NAA11: variants seen among roughly 807,000 people sequenced by gnomAD.
The protein encoded by NAA11 is N-alpha-acetyltransferase 11.
Under a neutral mutation model 16.1 loss-of-function variants are expected in NAA11, and 15 were observed. The ratio of observed to expected loss-of-function variants is 0.93; its 90% confidence interval spans 0.62 to 1.44. The LOEUF (loss-of-function observed/expected upper bound fraction) is 1.44. Among genes scored for constraint, NAA11 ranks in the 40% most tolerant of loss-of-function variants. The probability of loss-of-function intolerance (pLI) is 0.00; values close to 1 mark genes in which losing one functional copy is unlikely to be tolerated. For synonymous variants in NAA11, 122 were observed against 112.4 expected (o/e 1.09, Z -0.54); for missense variants, 298 against 291.3 (o/e 1.02, Z -0.17).
chr4:79,159,228 A>G, the NAA11 span, among the ~76,000 whole-genome samples: 7 of 152,208 alleles, frequency 4.6e-5, no homozygotes, highest in Non-Finnish European at 7.3e-5. Flanking sequence ...AAGGAACTCA[A>G]ATTAGCAAGG....
At chr4:79,287,860 A>G (rs1722981447) in intron 2 of NAA11, among the ~76,000 whole-genome samples, 1 of 152,176 alleles carries the variant, frequency 6.6e-6, no homozygotes, top group Non-Finnish European at 1.5e-5. Context: ...GCAGATTATA[A>G]TTTGGTAAAT....
At chr4:79,323,605 G>A (rs967783319) in intron 1 of NAA11, among the ~76,000 whole-genome samples, 2 of 152,278 alleles carry the variant, frequency 1.3e-5, no homozygotes, top group African/African-American at 4.8e-5. Flanking sequence ...CGCATCACGA[G>A]GTCAGGAGAT....
At chr4:79,303,808 A>T (rs1723481563) in intron 1 of NAA11, among the ~76,000 whole-genome samples, 1 of 152,238 alleles carries the variant, frequency 6.6e-6, no homozygotes, top group Non-Finnish European at 1.5e-5. Flanking sequence ...AAGTAAGAGT[A>T]TGAAAACACA....
chr4:79,315,021 C>A (rs1578194859), downstream of NAA11, among the ~76,000 whole-genome samples: 2 of 152,042 alleles, frequency 1.3e-5, no homozygotes, highest in East Asian at 3.9e-4. Flanking sequence ...TATTTAGGGT[C>A]TAATCTATTA....
At chr4:79,196,955 C>CAAAAAAAAAAAAAAAAAAAAAAAAA in the NAA11 span, among the ~76,000 whole-genome samples, 73 of 86,190 alleles carry the variant, frequency 8.5e-4, no homozygotes, top group South Asian at 1.7e-3. Flanking sequence ...ATGAAAAAGA[C>CAAAAAAAAAAAAAAAAAAAAAAAAA]AAAAAAAAAA....
rs59261096 is a variant in NAA11 at position 79,303,076 on chromosome 4, TTATATATATATATATATATATA to T, written c.*13-8984_*13-8963del. On this transcript the variant is annotated intron_variant and NMD_transcript_variant, in intron 1 of 2. Coordinates refer to the NAA11 transcript ENST00000511542. The stretch of plus-strand genomic sequence containing the variant: ...TTCATTCCTGTTCTCTTGAGGCCTT[TTATATATATATATATATATATA>T]TATATATATATATATATATATATAC... Among the ~76,000 whole-genome samples, 42 of 67,528 alleles carry T rather than the reference TTATATATATATATATATATATA, an allele frequency of 6.2e-4. 1 individual carries two copies. Among genetic ancestry groups the T allele is most frequent in the East Asian group, 1.3e-3 (4 of 2,972 alleles). 44.3% of individuals were successfully genotyped at this position (67,528 alleles called of 152,430 possible). A position where few individuals can be genotyped will look rare whatever the true frequency, so the allele number is the denominator to read the frequency against.
At chr4:79,307,305 G>A (rs928513300) in intron 1 of NAA11, 1 of 152,170 alleles carries the variant, frequency 6.6e-6, no homozygotes. Flanking sequence ...ACAGTCTTGA[G>A]AACAGATGAT....
At chr4:79,194,240 T>C in the NAA11 span, among the ~76,000 whole-genome samples, 8 of 152,176 alleles carry the variant, frequency 5.3e-5, no homozygotes, top group African/African-American at 1.9e-4. Flanking sequence ...TAGTATTGAA[T>C]CTATAAATTG....
the NAA11 span, among the ~76,000 whole-genome samples, chr4:79,212,288 C>A: frequency 6.6e-6 from 1 of 152,050 alleles, no homozygotes; most frequent in Non-Finnish European, 1.5e-5. Flanking sequence ...AGGACTATTT[C>A]CCCTGTTATT....
At chr4:79,209,430 C>T in the NAA11 span, among the ~76,000 whole-genome samples, 2 of 152,052 alleles carry the variant, frequency 1.3e-5, no homozygotes, top group African/African-American at 2.4e-5. Flanking sequence ...TAATCACCTG[C>T]GTTTTCAGGC....
chr4:79,284,439 T>C lies in NAA11; in HGVS notation c.*122+9566A>G, dbSNP rs142159734. On this transcript the variant is annotated intron_variant and NMD_transcript_variant, in intron 2 of 2. Transcript: ENST00000511542. ...GGTAGAGCATAAATTTTGATATCCATGTCTATCAATCAAGTTTGATTCAAG... is the reference window on the plus strand; with the variant it reads ...GGTAGAGCATAAATTTTGATATCCACGTCTATCAATCAAGTTTGATTCAAG... Among the ~76,000 whole-genome samples, 12 of 152,228 alleles carry C rather than the reference T, an allele frequency of 7.9e-5. 1 individual carries two copies. The East Asian group carries it at 1.7e-3, about 22-fold the overall frequency.
At chr4:79,192,169 T>C in the NAA11 span, among the ~76,000 whole-genome samples, 2 of 152,168 alleles carry the variant, frequency 1.3e-5, no homozygotes, top group Non-Finnish European at 2.9e-5. Flanking sequence ...ATTCAGGCTC[T>C]TTTTTGGTTC....
the NAA11 span, among the ~76,000 whole-genome samples, chr4:79,218,960 T>C: frequency 6.6e-6 from 1 of 152,084 alleles, no homozygotes; most frequent in Non-Finnish European, 1.5e-5. Context: ...ACCTTTTTTG[T>C]TGAAAAATAT....
chr4:79,237,874 G>A (rs7695330), intron 2 of NAA11, among the ~76,000 whole-genome samples: 108,212 of 152,112 alleles, frequency 0.71, 40,661 homozygotes, highest in East Asian at 0.89. Flanking sequence ...CCCTGTTTCC[G>A]TAGATCTGCA....
In NAA11 at chr4:79,325,422, C is replaced by G; in HGVS notation, c.456G>C (p.Ser152=). ...EDAYAMKRDL[S]QMADELRRQM... ...GTCGTCTCAGCTCATCTGCCATCTG[C>G]GAGAGATCCCGCTTCATAGCATAAG... The change falls in exon 1 of 2, where the codon TCG becomes TCC. Residue 152 remains serine (S), a synonymous_variant. Coordinates refer to ENST00000286794, the MANE Select transcript of NAA11 (RefSeq NM_032693.3). The G allele has an allele frequency of 6.2e-7, 1 of 1,614,178 alleles. No individual in the cohort carries two copies. The highest frequency in any genetic ancestry group is 8.5e-7 in the Non-Finnish European group (1 of 1,180,032).
intron 2 of NAA11, chr4:79,244,617 T>TCCCCCC (rs1721762706): frequency 2.4e-5 from 1 of 41,648 alleles, no homozygotes; most frequent in Non-Finnish European, 6.6e-5. Flanking sequence ...TCACTCTCCC[T>TCCCCCC]CTCCCCCTCC....
At chr4:79,249,327 T>C (rs113420965) in intron 2 of NAA11, among the ~76,000 whole-genome samples, 2,853 of 152,322 alleles carry the variant, frequency 0.019, 90 homozygotes, top group African/African-American at 0.064. Context: ...ATTATTGACA[T>C]TCATGAGAAA....
At chr4:79,314,091 A>G (rs1311326671), downstream of NAA11, among the ~76,000 whole-genome samples, 1 of 152,228 alleles carries the variant, frequency 6.6e-6, no homozygotes, top group Non-Finnish European at 1.5e-5. Flanking sequence ...GCCCTAAAAA[A>G]TAACATACAT....
chr4:79,277,472 A>G lies in NAA11; in HGVS notation c.*122+16533T>C, dbSNP rs140329266. Among the ~76,000 whole-genome samples the G allele has an allele frequency of 3.0e-4, 45 of 152,272 alleles. 1 individual carries two copies. In the East Asian group the frequency reaches 8.7e-3, roughly 29 times the overall value. Reference sequence around the variant, plus strand: ...TGAAAAGAAAGCTGTAAGGAAATACAAGAGGAGGGGTTGTTAGATATGAAT... The same window carrying G: ...TGAAAAGAAAGCTGTAAGGAAATACGAGAGGAGGGGTTGTTAGATATGAAT... On this transcript the variant is annotated intron_variant and NMD_transcript_variant, in intron 2 of 2. Coordinates refer to the NAA11 transcript ENST00000511542.
Sources: gnomAD v4.1 joint callset for allele counts (sites outside exome capture counted in the v4.1 genomes callset) on GRCh38, gnomAD v4.1.1 for gene constraint, MANE v1.5 for transcripts, NCBI Gene and HGNC (gene_info 2026-07-23, HGNC 2026-07-21) for gene names.